The following BTC variants were observed in gnomAD, a reference collection of about 807,000 sequenced individuals.
BTC encodes betacellulin.
In BTC, 13 loss-of-function variants were observed where a neutral mutation model predicts 18.1. The ratio of observed to expected loss-of-function variants is 0.72; its 90% CI spans 0.47 to 1.14. The LOEUF (loss-of-function observed/expected upper bound fraction) is 1.14, where lower values mean the gene tolerates loss of function less well. BTC is among the 50% of genes most tolerant of loss of function. The probability of loss-of-function intolerance (pLI) is 0.00; values close to 1 mark genes in which losing one functional copy is unlikely to be tolerated. For synonymous variants in BTC, 83 were observed against 79.4 expected (o/e 1.05, Z -0.24); for missense variants, 247 against 224.2 (o/e 1.10, Z -0.65).
intron 1 of BTC, among the ~76,000 whole-genome samples, chr4:74,773,670 G>T (rs754114833): frequency 2.6e-5 from 4 of 151,434 alleles, no homozygotes; most frequent in Non-Finnish European, 5.9e-5. Flanking sequence ...AGAGGGCAGT[G>T]GTGCAATCTC....
At chr4:74,749,331 G>T (rs1215219985) in intron 4 of BTC, among the ~76,000 whole-genome samples, 1 of 149,692 alleles carries the variant, frequency 6.7e-6, no homozygotes, top group Non-Finnish European at 1.5e-5. Flanking sequence ...GGAAGCTGAG[G>T]TAGGAGAATT....
Position 74,750,810 on chromosome 4 carries a change from CT to C in BTC, c.282-92del, listed in dbSNP as rs1398170661. 38 of 1,467,804 alleles carry C rather than the reference CT, an allele frequency of 2.6e-5. 1 individual carries two copies. Among genetic ancestry groups the C allele is most frequent in the Non-Finnish European group, 3.5e-5 (38 of 1,078,424 alleles). 90.9% of individuals were successfully genotyped at this position (1,467,804 alleles called of 1,614,324 possible). On this transcript the variant is annotated intron_variant, in intron 3 of 5. Coordinates refer to ENST00000395743, the MANE Select transcript of BTC (RefSeq NM_001729.4). Reference sequence around the variant, plus strand: ...CTGAAGAAATTAACAGTTCTCATTACTTGAAATTAATAAAGAACACAGTTCC... The same window carrying C: ...CTGAAGAAATTAACAGTTCTCATTACTGAAATTAATAAAGAACACAGTTCC...
rs1724252837 is a variant in BTC, at chr4:74,744,913, G to A, written c.*1764C>T. The stretch of plus-strand genomic sequence containing the variant: ...CTTGATATCAGATCTACCAAATTTC[G>A]AGAGCCACCATTGATATTTTAGGAT... On this transcript the variant is annotated 3_prime_UTR_variant, in exon 6 of 6. Transcript: ENST00000395743. 1.3e-5 allele frequency: 2 copies of A among 152,172 alleles called. No individual in the cohort carries two copies. The highest frequency in any genetic ancestry group is 2.1e-4 in the South Asian group (1 of 4,812). 9.4% of individuals were successfully genotyped at this position (152,172 alleles called of 1,614,324 possible).
chr4:74,762,051 T>C (rs1202335559), intron 2 of BTC, among the ~76,000 whole-genome samples: 1 of 152,202 alleles, frequency 6.6e-6, no homozygotes, highest in Non-Finnish European at 1.5e-5. Flanking sequence ...TCATAAATAT[T>C]AGTAAGATGA....
In BTC at chr4:74,761,515, A is replaced by T. The variant is rs185931000; in HGVS notation, c.164-5539T>A. ...CTGTCCAACTAACATCTTCACCTGG[A>T]TATCTAACTGGCATTTCAACTTAAC... On this transcript the variant is annotated intron_variant, in intron 2 of 5. Transcript: ENST00000395743. Among the ~76,000 whole-genome samples, 65 of 152,332 alleles carry T rather than the reference A, an allele frequency of 4.3e-4. No homozygotes were observed. In the East Asian group the frequency reaches 6.0e-3, roughly 14 times the overall value.
In BTC at chr4:74,745,936, A is replaced by G. The variant is rs1230440854; in HGVS notation, c.*741T>C. ...GGAGCAAAGAAACATAATAAAAGCCAATTCTATAGAAAGCATGATGGTAAC... is the reference window on the plus strand; with the variant it reads ...GGAGCAAAGAAACATAATAAAAGCCGATTCTATAGAAAGCATGATGGTAAC... On this transcript the variant is annotated 3_prime_UTR_variant, in exon 6 of 6. Transcript: ENST00000395743. 6 of 152,210 alleles carry G rather than the reference A, an allele frequency of 3.9e-5. No homozygotes were observed. The highest frequency in any genetic ancestry group is 1.4e-4 in the African/African-American group (6 of 41,454). The allele number at this position is 152,210 out of a possible 1,614,324, so 9.4% of individuals were successfully genotyped here. A position where few individuals can be genotyped will look rare whatever the true frequency, so the allele number is the denominator to read the frequency against.
At chr4:74,768,942 T>A (rs559948851) in intron 2 of BTC, among the ~76,000 whole-genome samples, 61 of 152,200 alleles carry the variant, frequency 4.0e-4, no homozygotes, top group Middle Eastern at 6.8e-3. Context: ...CCTACATGGA[T>A]GACAAGACCC....
intron 1 of BTC, among the ~76,000 whole-genome samples, chr4:74,778,307 T>C (rs1357180966): frequency 6.6e-6 from 1 of 152,128 alleles, no homozygotes; most frequent in Admixed American, 6.6e-5. Flanking sequence ...ATTATTTAAC[T>C]CAAAAGAAAC....
chr4:74,760,582 G>T (rs1724725875), intron 2 of BTC, among the ~76,000 whole-genome samples: 1 of 152,246 alleles, frequency 6.6e-6, no homozygotes, highest in East Asian at 1.9e-4. Context: ...TTTAAATTGA[G>T]GATTCTCATT....
chr4:74,754,257 T>C (rs1553956485), intron 3 of BTC, among the ~76,000 whole-genome samples: 1 of 152,226 alleles, frequency 6.6e-6, no homozygotes, highest in Non-Finnish European at 1.5e-5. Flanking sequence ...AGGGGCACTA[T>C]TTGTTCAAGC....
chr4:74,780,748 A>C (rs1725295891), intron 1 of BTC, among the ~76,000 whole-genome samples: 1 of 152,130 alleles, frequency 6.6e-6, no homozygotes, highest in Non-Finnish European at 1.5e-5. Context: ...GCTATATTCC[A>C]AGATGAGGAC....
chr4:74,786,066 A>G (rs1387856202), intron 1 of BTC, among the ~76,000 whole-genome samples: 2 of 152,222 alleles, frequency 1.3e-5, no homozygotes, highest in African/African-American at 2.4e-5. Context: ...AACTATGTTG[A>G]TATTCTATAG....
chr4:74,759,355 C>T (rs1724688364), intron 2 of BTC, among the ~76,000 whole-genome samples: 1 of 152,116 alleles, frequency 6.6e-6, no homozygotes, highest in Admixed American at 6.5e-5. Context: ...TGGTGGGACA[C>T]AATCGATTTT....
intron 1 of BTC, among the ~76,000 whole-genome samples, chr4:74,788,178 T>G (rs1010831196): frequency 6.6e-6 from 1 of 152,228 alleles, no homozygotes; most frequent in African/African-American, 2.4e-5. Flanking sequence ...TTCCGACTAA[T>G]GCCCTCATTT....
chr4:74,765,387 A>G (rs1221712362), intron 2 of BTC, among the ~76,000 whole-genome samples: 1 of 152,116 alleles, frequency 6.6e-6, no homozygotes, highest in Non-Finnish European at 1.5e-5. Context: ...CAAGCGAAAG[A>G]CAGAATCAGC....
At position 74,750,580 on chromosome 4, in the gene BTC, A is replaced by G. The variant is rs145568303; in HGVS notation, c.421T>C (p.Cys141Arg). 6.8e-6 allele frequency: 11 copies of G among 1,612,012 alleles called. No individual in the cohort carries two copies. In the African/African-American group the frequency reaches 1.5e-4, roughly 22 times the overall value. Residue 141 changes from cysteine (C) to arginine (R), a missense_variant, in exon 4 of 6, where the codon TGC becomes CGC. By Grantham distance (180) the Cys-to-Arg change is radical (BLOSUM62 -3). Coordinates refer to ENST00000395743, the MANE Select transcript of BTC (RefSeq NM_001729.4). ...AAGTTTAAAAATACTTACTGACAGCATGTGCAGACACCGATGACCAAAATA... is the reference window on the plus strand; with the variant it reads ...AAGTTTAAAAATACTTACTGACAGCGTGTGCAGACACCGATGACCAAAATA... ...FIILVIGVCT[C>R]CHPLRKRRKR...
intron 2 of BTC, among the ~76,000 whole-genome samples, chr4:74,761,945 C>T (rs1347818968): frequency 2.0e-5 from 3 of 152,168 alleles, no homozygotes; most frequent in Non-Finnish European, 4.4e-5. Context: ...TTACTCATTA[C>T]CTCTCTTTCT....
intron 1 of BTC, 98 bp downstream of exon 1, chr4:74,794,164 C>G: frequency 6.8e-7 from 1 of 1,480,580 alleles, no homozygotes; most frequent in African/African-American, 1.4e-5. Flanking sequence ...CCAGCGCGCC[C>G]TCTTGTCCAG....
chr4:74,748,262 T>G, intron 4 of BTC, 113 bp from the exon 5 acceptor site: 1 of 634,628 alleles, frequency 1.6e-6, no homozygotes, highest in Non-Finnish European at 2.6e-6. Flanking sequence ...ATATTTAGGG[T>G]TCTAGGCCGG....
Sources: gnomAD v4.1 joint callset for allele counts (sites outside exome capture counted in the v4.1 genomes callset) on GRCh38, gnomAD v4.1.1 for gene constraint, MANE v1.5 for transcripts, NCBI Gene and HGNC (gene_info 2026-07-23, HGNC 2026-07-21) for gene names.